Variants in GRM4 observed in about 807,000 individuals in gnomAD.
GRM4 encodes the protein metabotropic glutamate receptor 4.
Under a neutral mutation model 81.7 loss-of-function variants are expected in GRM4, and 28 were observed. The ratio of observed to expected loss-of-function variants is 0.34; its 90% CI spans 0.25 to 0.47. GRM4 has a LOEUF of 0.47. GRM4 is among the 20% of genes least tolerant of loss of function. GRM4 has a pLI of 1.00. For synonymous variants in GRM4, 488 were observed against 528.8 expected (o/e 0.92, Z 1.06); for missense variants, 948 against 1,290.0 (o/e 0.73, Z 4.06).
chr6:34,102,186 C>T, intron 2 of GRM4: 3 of 1,528,452 alleles, frequency 2.0e-6, no homozygotes, highest in South Asian at 1.2e-5. Flanking sequence ...TAATAGGTCT[C>T]CCCACTTCCT....
chr6:34,065,591 C>T (rs1026192295), intron 3 of GRM4, among the ~76,000 whole-genome samples: 1 of 152,202 alleles, frequency 6.6e-6, no homozygotes, highest in Non-Finnish European at 1.5e-5. Flanking sequence ...TCTCCCTTGG[C>T]AAGCCCCTGC....
chr6:34,135,771 G>C (rs1355228067), intron 1 of GRM4, among the ~76,000 whole-genome samples: 1 of 152,240 alleles, frequency 6.6e-6, no homozygotes, highest in African/African-American at 2.4e-5. Flanking sequence ...GCAAGTACCA[G>C]GTAATTCAGA....
chr6:34,021,861 T>C lies in GRM4; in HGVS notation c.*960A>G, dbSNP rs1032287012. 3 of 152,818 alleles carry C rather than the reference T, an allele frequency of 2.0e-5. No individual in the cohort carries two copies. The highest frequency in any genetic ancestry group is 4.4e-5 in the Non-Finnish European group (3 of 68,160). The allele number at this position is 152,818 out of a possible 1,614,324, so 9.5% of individuals were successfully genotyped here. ...GATGTGGAGCCCGGGTGCAAAACCA[T>C]GTGTTTATTTTTATTAGAAATGTTC... On this transcript the variant is annotated 3_prime_UTR_variant, in exon 11 of 11. Coordinates refer to ENST00000538487, the MANE Select transcript of GRM4 (RefSeq NM_000841.4). This position sits in a 1 kb window ranked among gnomAD's most constrained non-coding sequence, Gnocchi z 5.3.
At chr6:34,131,144 C>A (rs956280453) in intron 2 of GRM4, among the ~76,000 whole-genome samples, 2 of 152,238 alleles carry the variant, frequency 1.3e-5, no homozygotes, top group African/African-American at 2.4e-5. Context: ...AAACTGGGTG[C>A]GGTGGGAGGA....
rs372765424 is a variant in GRM4, at chr6:34,092,811, T to A, written c.520-712A>T. On this transcript the variant is annotated intron_variant, in intron 2 of 10. Transcript: ENST00000538487. This position sits in a 1 kb window ranked among gnomAD's most constrained non-coding sequence, Gnocchi z 6.8. ...CCCGGGGCTTTCCAGTCACGGGGCA[T>A]CTTCCCGCCTCCACAGGCCCCACCT... 2.8e-4 allele frequency among the ~76,000 whole-genome samples: 43 copies of A among 151,952 alleles called. No homozygotes were observed. The South Asian group carries it at 8.7e-3, about 31-fold the overall frequency.
intron 3 of GRM4, among the ~76,000 whole-genome samples, chr6:34,073,194 A>G (rs1205290818): frequency 1.3e-4 from 2 of 15,978 alleles, no homozygotes; most frequent in Non-Finnish European, 3.5e-4. Flanking sequence ...TACACATTAC[A>G]CAAACACCCA....
At chr6:34,084,972 ACT>A (rs1297217007) in intron 3 of GRM4, among the ~76,000 whole-genome samples, 1 of 151,978 alleles carries the variant, frequency 6.6e-6, no homozygotes, top group African/African-American at 2.4e-5. Flanking sequence ...CTGAGCACCT[ACT>A]GTGTGCAGGG....
rs1358344469 is a variant in GRM4 at position 34,136,790 on chromosome 6, C to A, written c.-363-2931G>T. Among the ~76,000 whole-genome samples, 1 of 152,184 alleles carries A rather than the reference C, an allele frequency of 6.6e-6. No homozygotes were observed. Among genetic ancestry groups the A allele is most frequent in the Non-Finnish European group, 1.5e-5 (1 of 68,034 alleles). On this transcript the variant is annotated intron_variant, in intron 1 of 10. Coordinates refer to ENST00000538487, the MANE Select transcript of GRM4 (RefSeq NM_000841.4). The surrounding 1 kb of genome is among the most constrained non-coding windows in gnomAD (Gnocchi z 4.1). ...CCACCCCTCAGTCCCACCAGGCCTG[C>A]CTTTTCTGAGCTTCTCCAGAGAGCT...
intron 2 of GRM4, among the ~76,000 whole-genome samples, chr6:34,095,255 C>G (rs540013823): frequency 4.3e-4 from 66 of 152,264 alleles, no homozygotes; most frequent in Middle Eastern, 6.8e-3. Flanking sequence ...GGCTCCTGAA[C>G]AGGATCCCGG....
intron 3 of GRM4, 86 bp downstream of exon 3, chr6:34,091,797 C>T (rs1158294769): frequency 1.0e-6 from 1 of 972,748 alleles, no homozygotes; most frequent in Non-Finnish European, 1.6e-6. Context: ...TGTATCAGGC[C>T]CCGGCTGGGA....
Position 34,036,503 on chromosome 6 carries a change from A to G in GRM4, c.1607T>C (p.Met536Thr), listed in dbSNP as rs777807599. The G allele has an allele frequency of 6.2e-7, 1 of 1,612,860 alleles. No homozygotes were observed. The highest frequency in any genetic ancestry group is 8.5e-7 in the Non-Finnish European group (1 of 1,179,546). Residue 536 changes from methionine (M) to threonine (T), a missense_variant, in exon 9 of 11, where the codon ATG (methionine) becomes ACG (threonine). Transcript: ENST00000538487. The surrounding 1 kb of genome is among the most constrained non-coding windows in gnomAD (Gnocchi z 9.0). Reference protein sequence around the residue: ...PGERKKTVKGMPCCWHCEPCT... With the variant: ...PGERKKTVKGTPCCWHCEPCT... The stretch of plus-strand genomic sequence containing the variant: ...AGGCTCGCAGTGCCAGCAGCAAGGC[A>G]TGCCCTTCACTGTCTTCTTCCGCTC...
At chr6:34,105,025 G>T (rs2127496183) in intron 2 of GRM4, among the ~76,000 whole-genome samples, 3 of 152,282 alleles carry the variant, frequency 2.0e-5, no homozygotes, top group Middle Eastern at 6.8e-3. Context: ...GTGGGGCGTG[G>T]CCAGGCCGAG....
chr6:34,023,593 TCA>T (rs985241653), intron 10 of GRM4, among the ~76,000 whole-genome samples: 21 of 152,236 alleles, frequency 1.4e-4, no homozygotes, highest in Middle Eastern at 3.4e-3. Flanking sequence ...CCTGTCTCTC[TCA>T]GTCTTGAGCC....
chr6:34,119,269 G>A (rs542595159), intron 2 of GRM4, among the ~76,000 whole-genome samples: 8 of 152,278 alleles, frequency 5.3e-5, no homozygotes, highest in East Asian at 1.9e-4. Flanking sequence ...GGTGGCGGGC[G>A]CCTGTAATCC....
intron 2 of GRM4, among the ~76,000 whole-genome samples, chr6:34,122,626 G>A (rs1438061555): frequency 6.9e-6 from 1 of 144,622 alleles, no homozygotes; most frequent in African/African-American, 2.5e-5. Context: ...GGGGGTGGGG[G>A]GGGCAGCTAA....
intron 6 of GRM4, among the ~76,000 whole-genome samples, chr6:34,044,719 T>C (rs1189558884): frequency 5.1e-3 from 340 of 66,804 alleles, no homozygotes; most frequent in Middle Eastern, 0.023. Context: ...CACACACACA[T>C]ACACACACAG....
rs538222310 is a variant in GRM4 at position 34,090,963 on chromosome 6, C to A, written c.736+920G>T. Among the ~76,000 whole-genome samples, 1 of 152,234 alleles carries A rather than the reference C, an allele frequency of 6.6e-6. No homozygotes were observed. Among genetic ancestry groups the A allele is most frequent in the South Asian group, 2.1e-4 (1 of 4,828 alleles). On this transcript the variant is annotated intron_variant, in intron 3 of 10. Coordinates refer to ENST00000538487, the MANE Select transcript of GRM4 (RefSeq NM_000841.4). This position sits in a 1 kb window ranked among gnomAD's most constrained non-coding sequence, Gnocchi z 5.2. ...AGGGAGAAGGGCCTCCCCACTTCCC[C>A]CACACACAACAGGGCCCCGAGGAAG...
chr6:34,114,920 T>C lies in GRM4; in HGVS notation c.519+18058A>G, dbSNP rs1401012243. Among the ~76,000 whole-genome samples the C allele has an allele frequency of 6.6e-6, 1 of 152,156 alleles. No homozygotes were observed. Among genetic ancestry groups the C allele is most frequent in the Non-Finnish European group, 1.5e-5 (1 of 68,034 alleles). Reference sequence around the variant, plus strand: ...GCACAAACTTGGAGCTCCATACATGTTTGCTGAATCAAATGGAATCCATTC... The same window carrying C: ...GCACAAACTTGGAGCTCCATACATGCTTGCTGAATCAAATGGAATCCATTC... On this transcript the variant is annotated intron_variant, in intron 2 of 10. Coordinates refer to ENST00000538487, the MANE Select transcript of GRM4 (RefSeq NM_000841.4). This position sits in a 1 kb window ranked among gnomAD's most constrained non-coding sequence, Gnocchi z 4.3.
chr6:34,139,829 G>A (rs1030175265), intron 1 of GRM4, among the ~76,000 whole-genome samples: 3 of 152,190 alleles, frequency 2.0e-5, no homozygotes, highest in Admixed American at 6.5e-5. Flanking sequence ...AAGCATAGAA[G>A]ACAGTCCCCT....
Sources: allele counts gnomAD v4.1 joint callset (sites outside exome capture counted in the v4.1 genomes callset), GRCh38; gene constraint gnomAD v4.1.1; non-coding constraint Gnocchi (gnomAD v3.1); transcripts MANE v1.5; gene names NCBI Gene and HGNC (gene_info 2026-07-23, HGNC 2026-07-21).